ADSS1: variants seen among roughly 807,000 people sequenced by gnomAD.
ADSS1 encodes the protein adenylosuccinate synthase 1.
ADSS1 carries 57 observed loss-of-function variants against 59.1 expected under a neutral mutation model. The ratio of observed to expected loss-of-function variants is 0.97; its 90% CI spans 0.78 to 1.20. The LOEUF (loss-of-function observed/expected upper bound fraction) is 1.20. Ranked by LOEUF, ADSS1 falls within the 50% of genes most tolerant of loss-of-function variation. The pLI is 0.00. For synonymous variants in ADSS1, 247 were observed against 249.4 expected, an observed-to-expected ratio of 0.99 and a Z score of 0.09; for missense variants, 603 against 610.3, an observed-to-expected ratio of 0.99 and a Z score of 0.13.
intron 2 of ADSS1, 38 bp from the exon 3 acceptor site, chr14:104,738,338 A>T (rs1220516063): frequency 2.5e-6 from 4 of 1,609,956 alleles, no homozygotes; most frequent in Non-Finnish European, 8.5e-7. Flanking sequence ...AGTGTCTGGG[A>T]CACAACTCTG....
chr14:104,741,028 A>G, intron 7 of ADSS1, 89 bp from the exon 8 acceptor site: 1 of 1,599,568 alleles, frequency 6.3e-7, no homozygotes, highest in African/African-American at 1.3e-5. Context: ...GATACTAGGC[A>G]TTGTTATGGG....
At chr14:104,728,473 G>A (rs1024516074) in intron 1 of ADSS1, among the ~76,000 whole-genome samples, 3 of 152,182 alleles carry the variant, frequency 2.0e-5, no homozygotes, top group Non-Finnish European at 4.4e-5. Context: ...AAAAGGGGCA[G>A]AGAACAATTC....
intron 1 of ADSS1, chr14:104,730,259 C>T (rs1164349499): frequency 6.2e-6 from 9 of 1,440,794 alleles, no homozygotes; most frequent in East Asian, 2.6e-5. Context: ...TTTGGGAGGC[C>T]GAGGCGAGCG....
intron 1 of ADSS1, among the ~76,000 whole-genome samples, chr14:104,731,742 C>A (rs998330249): frequency 2.6e-5 from 4 of 152,248 alleles, no homozygotes; most frequent in Non-Finnish European, 5.9e-5. Flanking sequence ...CCTGGCTCTT[C>A]TGCCCATCAC....
intron 1 of ADSS1, 77 bp downstream of exon 1, chr14:104,724,539 C>T (rs571086018): frequency 2.3e-4 from 281 of 1,226,706 alleles, no homozygotes; most frequent in Middle Eastern, 3.1e-4. Context: ...CCCCTGTCCT[C>T]CCATGCCCTG....
chr14:104,732,996 C>T (rs368349851), intron 1 of ADSS1, among the ~76,000 whole-genome samples: 9 of 152,292 alleles, frequency 5.9e-5, no homozygotes, highest in African/African-American at 1.7e-4. Flanking sequence ...TGAACCTGTG[C>T]GCCCAGGGCT....
Position 104,741,104 on chromosome 14 carries a change from C to G in ADSS1, c.667-13C>G. ...GCCACAGGCTCACTCTGCTGCTTGG[C>G]CCTTCCTTGCAGGGCTTTGCTGAGC... On this transcript the variant is annotated splice_polypyrimidine_tract_variant and intron_variant, in intron 7 of 12. Transcript: ENST00000330877. 1 of 1,592,478 alleles carries G rather than the reference C, an allele frequency of 6.3e-7. No individual in the cohort carries two copies. Among genetic ancestry groups the G allele is most frequent in the Non-Finnish European group, 8.6e-7 (1 of 1,167,140 alleles).
intron 3 of ADSS1, 76 bp from the exon 4 acceptor site, chr14:104,739,252 C>G (rs1891241642): frequency 6.6e-7 from 1 of 1,505,186 alleles, no homozygotes; most frequent in Non-Finnish European, 9.1e-7. Flanking sequence ...GGCGAGCTAG[C>G]CCAGCTCTGG....
intron 2 of ADSS1, among the ~76,000 whole-genome samples, chr14:104,736,881 G>GATATATAT (rs57122419): frequency 0.028 from 3,006 of 106,000 alleles, 76 homozygotes; most frequent in Non-Finnish European, 0.036. Flanking sequence ...GCACCTAGCT[G>GATATATAT]ATATATATAT....
intron 9 of ADSS1, 36 bp from the exon 10 acceptor site, chr14:104,743,031 G>T (rs373545490): frequency 1.9e-6 from 3 of 1,610,848 alleles, no homozygotes; most frequent in South Asian, 2.2e-5. Flanking sequence ...AGGCTCCCAC[G>T]ACAGCTCACA....
At chr14:104,745,075 G>A in intron 11 of ADSS1, 166 bp downstream of exon 11, 2 of 638,426 alleles carry the variant, frequency 3.1e-6, no homozygotes, top group South Asian at 1.9e-5. Flanking sequence ...GCCTCTCACG[G>A]GTTTCTCCCC....
chr14:104,734,741 T>C (rs912937390), intron 1 of ADSS1, among the ~76,000 whole-genome samples: 7 of 152,172 alleles, frequency 4.6e-5, no homozygotes, highest in Admixed American at 3.3e-4. Context: ...GGCCCGCAGC[T>C]GCAGAGACCT....
intron 9 of ADSS1, among the ~76,000 whole-genome samples, chr14:104,742,299 G>A (rs553495525): frequency 2.2e-3 from 335 of 152,374 alleles, no homozygotes; most frequent in African/African-American, 7.5e-3. Flanking sequence ...AAGTGCGGAC[G>A]CCTTGCAGTT....
intron 10 of ADSS1, chr14:104,743,471 A>G: frequency 2.5e-6 from 1 of 393,302 alleles, no homozygotes; most frequent in South Asian, 2.5e-5. Context: ...AAAATGCTTC[A>G]TGTGGAGAGC....
rs147422325 is a variant in ADSS1, at chr14:104,726,472, C to T, written c.192+2010C>T. ...GCTCTCTGCAAGTGCTCAGTGACCC[C>T]TACCTCACAGTGCCCATCTCTCCTC... On this transcript the variant is annotated intron_variant, in intron 1 of 12. Transcript: ENST00000330877. Among the ~76,000 whole-genome samples, 4 of 152,326 alleles carry T rather than the reference C, an allele frequency of 2.6e-5. No homozygotes were observed. In the East Asian group the frequency reaches 5.8e-4, roughly 22 times the overall value.
intron 1 of ADSS1, among the ~76,000 whole-genome samples, chr14:104,732,366 G>T (rs1457018032): frequency 1.3e-5 from 2 of 152,238 alleles, no homozygotes; most frequent in African/African-American, 2.4e-5. Context: ...TGCCTGTGCA[G>T]CCTGACGTCC....
At chr14:104,736,154 A>G (rs572772272) in intron 2 of ADSS1, among the ~76,000 whole-genome samples, 1 of 152,258 alleles carries the variant, frequency 6.6e-6, no homozygotes, top group South Asian at 2.1e-4. Flanking sequence ...TGGGGTGCAG[A>G]CCCAGTCCCT....
chr14:104,727,742 G>A (rs1890757994), intron 1 of ADSS1, among the ~76,000 whole-genome samples: 1 of 152,172 alleles, frequency 6.6e-6, no homozygotes, highest in African/African-American at 2.4e-5. Flanking sequence ...TCCCAGGCTG[G>A]CAGTGCCCGG....
chr14:104,724,512 T>TC, intron 1 of ADSS1, 50 bp downstream of exon 1: 3 of 838,162 alleles, frequency 3.6e-6, no homozygotes, highest in Non-Finnish European at 4.2e-6. Context: ...CGAGCCCCCC[T>TC]CCCCCGACCC....
Sources: gnomAD v4.1 joint callset for allele counts (sites outside exome capture counted in the v4.1 genomes callset) on GRCh38, gnomAD v4.1.1 for gene constraint, MANE v1.5 for transcripts, NCBI Gene and HGNC (gene_info 2026-07-23, HGNC 2026-07-21) for gene names.